The following TLNRD1 variants were observed in gnomAD, a reference collection of about 807,000 sequenced individuals.
TLNRD1 encodes the protein talin rod domain-containing protein 1.
TLNRD1 carries 14 observed loss-of-function variants against 19.5 expected under a neutral mutation model. That is an observed-to-expected ratio of 0.72 (90% confidence interval 0.47 to 1.12). The LOEUF (loss-of-function observed/expected upper bound fraction) is 1.12, where lower values mean the gene tolerates loss of function less well. Ranked by LOEUF, TLNRD1 falls within the 50% of genes most tolerant of loss-of-function variation. The probability of loss-of-function intolerance (pLI) is 0.00; values close to 1 mark genes in which losing one functional copy is unlikely to be tolerated. For synonymous variants in TLNRD1, 345 were observed against 261.7 expected (o/e 1.32, Z -3.07); for missense variants, 569 against 531.9 (o/e 1.07, Z -0.69).
rs1390206900 is a variant in TLNRD1 at position 81,003,507 on chromosome 15, A to G, written c.*147A>G. ...GCTCGAGAGGAATCTTCCACAAGGCAGGGCCATGCACGCAACCTGCACACG... is the reference window on the plus strand; with the variant it reads ...GCTCGAGAGGAATCTTCCACAAGGCGGGGCCATGCACGCAACCTGCACACG... On this transcript the variant is annotated 3_prime_UTR_variant, in exon 1 of 1. Transcript: ENST00000267984. The G allele has an allele frequency of 1.1e-5, 11 of 958,618 alleles. No individual in the cohort carries two copies. Among genetic ancestry groups the G allele is most frequent in the Non-Finnish European group, 1.7e-5 (11 of 653,382 alleles). 59.4% of individuals were successfully genotyped at this position (958,618 alleles called of 1,614,324 possible).
Position 81,002,567 on chromosome 15 carries a change from A to G in TLNRD1, c.296A>G (p.Gln99Arg), listed in dbSNP as rs1407203583. 6.8e-7 allele frequency: 1 copy of G among 1,463,890 alleles called. No homozygotes were observed. Among genetic ancestry groups the G allele is most frequent in the African/African-American group, 1.5e-5 (1 of 67,924 alleles). 90.7% of individuals were successfully genotyped at this position (1,463,890 alleles called of 1,614,324 possible). ...ATCCTCACCCACGACGTGCAGAGCC[A>G]GCTCAACATGGGCCGCTTCGGGGAG... ...LSILTHDVQS[Q>R]LNMGRFGEAG... The change falls in exon 1 of 1, where the codon CAG becomes CGG. Residue 99 changes from glutamine (Q) to arginine (R), a missense_variant. Physicochemically the swap from Gln to Arg is conservative, Grantham distance 43. Coordinates refer to ENST00000267984, the MANE Select transcript of TLNRD1 (RefSeq NM_022566.3).
rs769655110 is a variant in TLNRD1 at position 81,003,024 on chromosome 15, C to T, written c.753C>T (p.Ser251=). ...ELARSRCALF[S]GPLVQAVSAL... is the part of the protein sequence containing the mutation. ...CGCGCAGCCGCTGTGCGCTCTTCAG[C>T]GGGCCCCTGGTGCAGGCAGTGAGCG... The change falls in exon 1 of 1, where the codon AGC becomes AGT. Residue 251 remains serine, a synonymous_variant. Coordinates refer to ENST00000267984, the MANE Select transcript of TLNRD1 (RefSeq NM_022566.3). 4 of 1,555,442 alleles carry T rather than the reference C, an allele frequency of 2.6e-6. No individual in the cohort carries two copies. Among genetic ancestry groups the T allele is most frequent in the Non-Finnish European group, 3.5e-6 (4 of 1,157,264 alleles).
Position 81,002,893 on chromosome 15 carries a change from C to T in TLNRD1, c.622C>T (p.Arg208Cys), listed in dbSNP as rs1180079435. 2.5e-6 allele frequency: 4 copies of T among 1,597,326 alleles called. No homozygotes were observed. Among genetic ancestry groups the T allele is most frequent in the Non-Finnish European group, 3.4e-6 (4 of 1,178,906 alleles). ...CALASDKSRDRFSREQFKLGV... is the reference protein window; with the variant it reads ...CALASDKSRDCFSREQFKLGV... Reference sequence around the variant, plus strand: ...CCTGGCCAGTGACAAGTCACGGGACCGCTTTTCGCGGGAGCAGTTCAAGCT... The same window carrying T: ...CCTGGCCAGTGACAAGTCACGGGACTGCTTTTCGCGGGAGCAGTTCAAGCT... The change falls in exon 1 of 1, where the codon CGC (arginine) becomes TGC (cysteine). Residue 208 changes from arginine to cysteine, a missense_variant. Coordinates refer to ENST00000267984, the MANE Select transcript of TLNRD1 (RefSeq NM_022566.3).
rs111670134 is a variant in TLNRD1 at position 81,003,921 on chromosome 15, AT to A, written c.*570del. On this transcript the variant is annotated 3_prime_UTR_variant, in exon 1 of 1. Coordinates refer to ENST00000267984, the MANE Select transcript of TLNRD1 (RefSeq NM_022566.3). ...TTTTTTTAATTTACACTATAGAGTG[AT>A]TTTTTTTTCCCCCAACGTCAAGTTT... 0.013 allele frequency: 2,059 copies of A among 163,882 alleles called. 43 individuals carry two copies. The highest frequency in any genetic ancestry group is 0.046 in the African/African-American group (1,881 of 40,706). 10.2% of individuals were successfully genotyped at this position (163,882 alleles called of 1,614,324 possible).
chr15:81,002,411 T>C lies in TLNRD1; in HGVS notation c.140T>C (p.Val47Ala). The C allele has an allele frequency of 6.4e-7, 1 of 1,555,258 alleles. No individual in the cohort carries two copies. The highest frequency in any genetic ancestry group is 8.6e-7 in the Non-Finnish European group (1 of 1,157,822). Residue 47 changes from valine to alanine, a missense_variant, in exon 1 of 1, where the codon GTG becomes GCG. Coordinates refer to ENST00000267984, the MANE Select transcript of TLNRD1 (RefSeq NM_022566.3). ...CDHCKGKMQLVADLLLLSSEA... is the reference protein window; with the variant it reads ...CDHCKGKMQLAADLLLLSSEA... ...CACTGCAAGGGCAAGATGCAGCTGG[T>C]GGCTGACCTGCTGCTGCTGTCGAGC...
rs1486690420 is a variant in TLNRD1, at chr15:81,001,282, G to C, written c.-990G>C. On this transcript the variant is annotated 5_prime_UTR_variant, in exon 1 of 1. Transcript: ENST00000267984. ...TCCGATGCGCGGGGCCCGGGGCCTC[G>C]GGAGAGCTCAGCTGCTGCGGGCCCC... 1 of 152,318 alleles carries C rather than the reference G, an allele frequency of 6.6e-6. No homozygotes were observed. The highest frequency in any genetic ancestry group is 1.9e-4 in the East Asian group (1 of 5,158). 9.4% of individuals were successfully genotyped at this position (152,318 alleles called of 1,614,324 possible). A position where few individuals can be genotyped will look rare whatever the true frequency, so the allele number is the denominator to read the frequency against.
In TLNRD1 at chr15:81,001,503, G is replaced by C. The variant is rs557785343; in HGVS notation, c.-769G>C. On this transcript the variant is annotated 5_prime_UTR_variant, in exon 1 of 1. Transcript: ENST00000267984. Reference sequence around the variant, plus strand: ...CTTGAGCGCGATCCGGGCGGCCGCTGTGCGCAATCAGTGCAGGCTCCCGCC... The same window carrying C: ...CTTGAGCGCGATCCGGGCGGCCGCTCTGCGCAATCAGTGCAGGCTCCCGCC... The C allele has an allele frequency of 1.3e-5, 2 of 151,758 alleles. No individual in the cohort carries two copies. The highest frequency in any genetic ancestry group is 4.1e-4 in the South Asian group (2 of 4,834). The allele number at this position is 151,758 out of a possible 1,614,324, so 9.4% of individuals were successfully genotyped here.
chr15:81,002,832 G>T lies in TLNRD1; in HGVS notation c.561G>T (p.Leu187=), dbSNP rs1893435933. ...PQLLLEVSQG[L]SRNLKFLTDA... ...TGCTGCTGGAGGTGTCGCAGGGCCT[G>T]TCGCGCAACCTCAAGTTCCTGACGG... is the stretch of plus-strand genomic sequence containing the variant. The change falls in exon 1 of 1, where the codon CTG becomes CTT. Residue 187 remains leucine, a synonymous_variant. Coordinates refer to ENST00000267984, the MANE Select transcript of TLNRD1 (RefSeq NM_022566.3). 1.9e-6 allele frequency: 3 copies of T among 1,590,662 alleles called. No individual in the cohort carries two copies. Among genetic ancestry groups the T allele is most frequent in the African/African-American group, 1.3e-5 (1 of 74,746 alleles).
At position 81,002,763 on chromosome 15, in the gene TLNRD1, C is replaced by G. The variant is rs942697537; in HGVS notation, c.492C>G (p.Cys164Trp). 1 of 1,539,598 alleles carries G rather than the reference C, an allele frequency of 6.5e-7. No individual in the cohort carries two copies. The highest frequency in any genetic ancestry group is 1.4e-5 in the African/African-American group (1 of 73,394). The change falls in exon 1 of 1, where the codon TGC (cysteine) becomes TGG (tryptophan). Residue 164 changes from cysteine to tryptophan, a missense_variant. By Grantham distance (215) the Cys-to-Trp change is radical. Transcript: ENST00000267984. ...TRCRHEVEQG[C>W]AVLRATPLAD... ...GCCGCCACGAGGTGGAGCAGGGTTGCGCCGTGCTGCGCGCCACGCCGCTGG... is the reference window on the plus strand; with the variant it reads ...GCCGCCACGAGGTGGAGCAGGGTTGGGCCGTGCTGCGCGCCACGCCGCTGG...
At position 81,002,448 on chromosome 15, in the gene TLNRD1, C is replaced by G. The variant is rs140854700; in HGVS notation, c.177C>G (p.Pro59=). The change falls in exon 1 of 1, where the codon CCC becomes CCG. Residue 59 remains proline, a synonymous_variant. Transcript: ENST00000267984. Reference sequence around the variant, plus strand: ...TGCTGCTGTCGAGCGAGGCGCGGCCCGTGCTCTTCGAGGGCCCCGCCTCCT... The same window carrying G: ...TGCTGCTGTCGAGCGAGGCGCGGCCGGTGCTCTTCGAGGGCCCCGCCTCCT... The part of the protein sequence containing the change: ...DLLLLSSEAR[P]VLFEGPASSG... 1.4e-3 allele frequency: 2,149 copies of G among 1,538,674 alleles called. 25 individuals are homozygous for G. The African/African-American group carries it at 0.027, about 19-fold the overall frequency.
In TLNRD1 at chr15:81,003,443, AATC is replaced by A; in HGVS notation, c.*86_*88del. ...TGCCCCTCTCCATTTATACCAAAGA[AATC>A]ATAGGTGAAACCCCCTACCCTCCCC... is the stretch of plus-strand genomic sequence containing the variant. On this transcript the variant is annotated 3_prime_UTR_variant, in exon 1 of 1. Transcript: ENST00000267984. 1 of 1,412,118 alleles carries A rather than the reference AATC, an allele frequency of 7.1e-7. No homozygotes were observed. Among genetic ancestry groups the A allele is most frequent in the South Asian group, 1.5e-5 (1 of 68,650 alleles). The allele number at this position is 1,412,118 out of a possible 1,614,324, so 87.5% of individuals were successfully genotyped here.
rs1185715563 is a variant in TLNRD1 at position 81,002,432 on chromosome 15, C to G, written c.161C>G (p.Ser54Trp). The change falls in exon 1 of 1, where the codon TCG becomes TGG. Residue 54 changes from serine to tryptophan, a missense_variant. By Grantham distance (177) the Ser-to-Trp change is radical. Transcript: ENST00000267984. ...MQLVADLLLL[S>W]SEARPVLFEG... is the part of the protein sequence containing the mutation. The stretch of plus-strand genomic sequence containing the variant: ...CTGGTGGCTGACCTGCTGCTGCTGT[C>G]GAGCGAGGCGCGGCCCGTGCTCTTC... The G allele has an allele frequency of 1.3e-6, 2 of 1,553,948 alleles. No homozygotes were observed. The highest frequency in any genetic ancestry group is 1.7e-6 in the Non-Finnish European group (2 of 1,157,276).
rs1256620040 is a variant in TLNRD1 at position 81,003,141 on chromosome 15, C to A, written c.870C>A (p.Gly290=). The A allele has an allele frequency of 6.4e-7, 1 of 1,564,278 alleles. No homozygotes were observed. The highest frequency in any genetic ancestry group is 8.7e-7 in the Non-Finnish European group (1 of 1,154,856). Residue 290 remains glycine, a synonymous_variant, in exon 1 of 1, where the codon GGC becomes GGA. Coordinates refer to ENST00000267984, the MANE Select transcript of TLNRD1 (RefSeq NM_022566.3). Reference sequence around the variant, plus strand: ...AGGCGGTGCAGACCGCCATCCTGGGCGGCGCCATGAGCGTGGTGTCGGCCT... The same window carrying A: ...AGGCGGTGCAGACCGCCATCCTGGGAGGCGCCATGAGCGTGGTGTCGGCCT... ...EGKAVQTAIL[G]GAMSVVSACV...
chr15:81,004,535 T>G lies in TLNRD1; in HGVS notation c.*1175T>G, dbSNP rs1408483587. On this transcript the variant is annotated 3_prime_UTR_variant, in exon 1 of 1. Coordinates refer to ENST00000267984, the MANE Select transcript of TLNRD1 (RefSeq NM_022566.3). Reference sequence around the variant, plus strand: ...TCTATTCAGACAAGATCCTCATGATTTCAGAAAAAATATAGAGAGGGTCCT... The same window carrying G: ...TCTATTCAGACAAGATCCTCATGATGTCAGAAAAAATATAGAGAGGGTCCT... 6.0e-6 allele frequency: 1 copy of G among 167,028 alleles called. No individual in the cohort carries two copies. Among genetic ancestry groups the G allele is most frequent in the South Asian group, 2.1e-4 (1 of 4,834 alleles). 10.3% of individuals were successfully genotyped at this position (167,028 alleles called of 1,614,324 possible).
chr15:81,003,681 G>A lies in TLNRD1; in HGVS notation c.*321G>A, dbSNP rs1893456669. ...CTAAATTTCATTATTGGGCAGGAAG[G>A]AGGTCATGGGTTCATTTCATTTTTG... On this transcript the variant is annotated 3_prime_UTR_variant, in exon 1 of 1. Transcript: ENST00000267984. 3.4e-6 allele frequency: 1 copy of A among 290,864 alleles called. No homozygotes were observed. The highest frequency in any genetic ancestry group is 6.7e-6 in the Non-Finnish European group (1 of 148,530). 18.0% of individuals were successfully genotyped at this position (290,864 alleles called of 1,614,324 possible).
chr15:81,001,784 G>C lies in TLNRD1; in HGVS notation c.-488G>C, dbSNP rs1172404529. ...ACAGCCCGCCTGAGCTGCCTCCCGC[G>C]CTCCTCCCCGAGGAAAGGATTTTGA... On this transcript the variant is annotated 5_prime_UTR_variant, in exon 1 of 1. Transcript: ENST00000267984. 1 of 152,084 alleles carries C rather than the reference G, an allele frequency of 6.6e-6. No individual in the cohort carries two copies. Among genetic ancestry groups the C allele is most frequent in the Non-Finnish European group, 1.5e-5 (1 of 68,018 alleles). The allele number at this position is 152,084 out of a possible 1,614,324, so 9.4% of individuals were successfully genotyped here.
Position 81,002,332 on chromosome 15 carries a change from G to T in TLNRD1, c.61G>T (p.Ala21Ser). Reference sequence around the variant, plus strand: ...GGCGGCTTCTCCGGCTCCTGCGAGCGCCATCGGCGGGGCCAGCTCGCAGCC... The same window carrying T: ...GGCGGCTTCTCCGGCTCCTGCGAGCTCCATCGGCGGGGCCAGCTCGCAGCC... The part of the protein sequence containing the change: ...GEAASPAPAS[A>S]IGGASSQPRK... Residue 21 changes from alanine (A) to serine (S), a missense_variant, in exon 1 of 1, where the codon GCC (alanine) becomes TCC (serine). By Grantham distance (99) the Ala-to-Ser change is moderately conservative. Transcript: ENST00000267984. 1 of 1,410,476 alleles carries T rather than the reference G, an allele frequency of 7.1e-7. No homozygotes were observed. Among genetic ancestry groups the T allele is most frequent in the Non-Finnish European group, 9.3e-7 (1 of 1,075,706 alleles). 87.4% of individuals were successfully genotyped at this position (1,410,476 alleles called of 1,614,324 possible).
At position 81,003,171 on chromosome 15, in the gene TLNRD1, G is replaced by A. The variant is rs1893444485; in HGVS notation, c.900G>A (p.Val300=). The change falls in exon 1 of 1, where the codon GTG becomes GTA. Residue 300 remains valine, a synonymous_variant. Transcript: ENST00000267984. ...CCATGAGCGTGGTGTCGGCCTGCGT[G>A]CTCCTGACCCAGTGCCTCAGGGATC... ...GGAMSVVSAC[V]LLTQCLRDLA... The A allele has an allele frequency of 1.3e-6, 2 of 1,579,532 alleles. No individual in the cohort carries two copies. Among genetic ancestry groups the A allele is most frequent in the African/African-American group, 1.3e-5 (1 of 74,272 alleles).
Position 81,004,468 on chromosome 15 carries a change from G to A in TLNRD1, c.*1108G>A, listed in dbSNP as rs910628797. The A allele has an allele frequency of 1.2e-5, 2 of 166,572 alleles. No individual in the cohort carries two copies. The highest frequency in any genetic ancestry group is 4.8e-5 in the African/African-American group (2 of 41,376). 10.3% of individuals were successfully genotyped at this position (166,572 alleles called of 1,614,324 possible). A position where few individuals can be genotyped will look rare whatever the true frequency, so the allele number is the denominator to read the frequency against. On this transcript the variant is annotated 3_prime_UTR_variant, in exon 1 of 1. Transcript: ENST00000267984. ...CTCTGGATGGAACTCTAAAAGTACT[G>A]TACATCAAGTGAGAATAGTTAGCAT...
Sources: gnomAD v4.1 joint callset for allele counts on GRCh38, gnomAD v4.1.1 for gene constraint, MANE v1.5 for transcripts, NCBI Gene and HGNC (gene_info 2026-07-23, HGNC 2026-07-21) for gene names.